SMAP1: variants seen among roughly 807,000 people sequenced by gnomAD.
SMAP1 encodes small ArfGAP 1.
Under a neutral mutation model 58.5 loss-of-function variants are expected in SMAP1, and 24 were observed. The ratio of observed to expected loss-of-function variants is 0.41; its 90% CI spans 0.30 to 0.58. The LOEUF is 0.58. SMAP1 is among the 20% of genes least tolerant of loss of function. SMAP1 has a pLI of 0.29. For synonymous variants in SMAP1, 216 were observed against 196.6 expected (o/e 1.10, Z -0.82); for missense variants, 563 against 566.3 (o/e 0.99, Z 0.06).
chr6:70,799,454 A>G lies in SMAP1; in HGVS notation c.576+717A>G, dbSNP rs183620066. 2.3e-3 allele frequency among the ~76,000 whole-genome samples: 345 copies of G among 152,252 alleles called. 11 individuals carry two copies. Among genetic ancestry groups the G allele is most frequent in the Admixed American group, 0.02 (311 of 15,290 alleles). Reference sequence around the variant, plus strand: ...GAACTACAGCTAGTGAGAATGTTGTACTTTGTAAAGGGATTGGTTAAATAT... The same window carrying G: ...GAACTACAGCTAGTGAGAATGTTGTGCTTTGTAAAGGGATTGGTTAAATAT... On this transcript the variant is annotated intron_variant, in intron 6 of 10. Coordinates refer to ENST00000370455, the MANE Select transcript of SMAP1 (RefSeq NM_001044305.3).
intron 4 of SMAP1, among the ~76,000 whole-genome samples, chr6:70,779,282 G>A (rs530396815): frequency 6.6e-6 from 1 of 152,330 alleles, no homozygotes; most frequent in South Asian, 2.1e-4. Flanking sequence ...GATGTCAAGT[G>A]ATGTTGGGAG....
At chr6:70,784,975 T>C (rs1270183164) in intron 4 of SMAP1, among the ~76,000 whole-genome samples, 1 of 152,024 alleles carries the variant, frequency 6.6e-6, no homozygotes, top group African/African-American at 2.4e-5. Context: ...TACAGACCTC[T>C]CCACCCCAGA....
intron 6 of SMAP1, among the ~76,000 whole-genome samples, chr6:70,829,074 T>C (rs1000594333): frequency 1.3e-5 from 2 of 152,116 alleles, no homozygotes; most frequent in African/African-American, 4.8e-5. Context: ...TTTTCCTACA[T>C]ACACAAAAGT....
intron 6 of SMAP1, among the ~76,000 whole-genome samples, chr6:70,826,920 G>A (rs1359259190): frequency 1.8e-5 from 2 of 111,392 alleles, no homozygotes; most frequent in Non-Finnish European, 3.4e-5. Context: ...GGGCAACAGA[G>A]TGAAACCGTG....
At chr6:70,813,641 C>T (rs539478552) in intron 6 of SMAP1, among the ~76,000 whole-genome samples, 62 of 152,134 alleles carry the variant, frequency 4.1e-4, no homozygotes, top group African/African-American at 1.4e-3. Context: ...TGCAGAAGGA[C>T]GTATATATTG....
At chr6:70,694,342 G>T (rs958627955) in intron 1 of SMAP1, 1 of 163,078 alleles carries the variant, frequency 6.1e-6, no homozygotes, top group East Asian at 1.9e-4. Flanking sequence ...GGCCATCCTG[G>T]CCCTGGTGCT....
At position 70,727,018 on chromosome 6, in the gene SMAP1, TG is replaced by T. The variant is rs547019249; in HGVS notation, c.119-5352del. ...ACAGTATAGCTGAAACTCTTCAAGATGGGGGGGGCACTGTTCATTTTACCAA... is the reference window on the plus strand; with the variant it reads ...ACAGTATAGCTGAAACTCTTCAAGATGGGGGGGCACTGTTCATTTTACCAA... On this transcript the variant is annotated intron_variant, in intron 1 of 10. Coordinates refer to ENST00000370455, the MANE Select transcript of SMAP1 (RefSeq NM_001044305.3). Among the ~76,000 whole-genome samples, 1,065 of 151,474 alleles carry T rather than the reference TG, an allele frequency of 7.0e-3. 16 individuals are homozygous for T. The highest frequency in any genetic ancestry group is 0.025 in the African/African-American group (1,016 of 41,294).
chr6:70,689,678 T>C (rs1686856589), intron 1 of SMAP1, among the ~76,000 whole-genome samples: 1 of 152,238 alleles, frequency 6.6e-6, no homozygotes, highest in Non-Finnish European at 1.5e-5. Flanking sequence ...CATCTTTTAA[T>C]ATAGAGTCTT....
chr6:70,835,251 CA>C (rs778677881), intron 6 of SMAP1, among the ~76,000 whole-genome samples: 4,664 of 57,938 alleles, frequency 0.08, 30 homozygotes, highest in African/African-American at 0.16. Flanking sequence ...GACTCCGTCT[CA>C]AAAAAAAAAA....
chr6:70,672,744 C>T (rs1441019193), intron 1 of SMAP1, among the ~76,000 whole-genome samples: 1 of 151,948 alleles, frequency 6.6e-6, no homozygotes, highest in African/African-American at 2.4e-5. Context: ...AGGGAGTGCA[C>T]CTGTGAAAGG....
chr6:70,715,029 C>G (rs1359707907), intron 1 of SMAP1, among the ~76,000 whole-genome samples: 1 of 151,270 alleles, frequency 6.6e-6, no homozygotes, highest in African/African-American at 2.4e-5. Context: ...TTTCAAAATC[C>G]TCTCTGTCTT....
In SMAP1 at chr6:70,852,547, T is replaced by A. The variant is rs781219727; in HGVS notation, c.672T>A (p.Pro224=). The A allele has an allele frequency of 2.1e-5, 33 of 1,592,058 alleles. No homozygotes were observed. Among genetic ancestry groups the A allele is most frequent in the Non-Finnish European group, 2.6e-5 (31 of 1,169,996 alleles). The change falls in exon 8 of 11, where the codon CCT becomes CCA. Residue 224 remains proline (P), a synonymous_variant. Transcript: ENST00000370455. ...PTVDLLGLDG[P]AVAPVTNGNT... Reference sequence around the variant, plus strand: ...AATCTATATTCTTTTCAGATGGCCCTGCTGTGGCACCAGTGACCAACGGGA... The same window carrying A: ...AATCTATATTCTTTTCAGATGGCCCAGCTGTGGCACCAGTGACCAACGGGA...
At chr6:70,849,793 C>T (rs1771118326) in intron 7 of SMAP1, among the ~76,000 whole-genome samples, 1 of 152,172 alleles carries the variant, frequency 6.6e-6, no homozygotes, top group South Asian at 2.1e-4. Flanking sequence ...ACATTAAGTA[C>T]ACTCACATTG....
intron 1 of SMAP1, among the ~76,000 whole-genome samples, chr6:70,723,347 A>G (rs1163929768): frequency 6.6e-6 from 1 of 152,174 alleles, no homozygotes. Flanking sequence ...CCCTCAATGT[A>G]TACCTTAAAT....
chr6:70,767,229 G>A (rs1300414699), intron 3 of SMAP1, among the ~76,000 whole-genome samples: 6 of 151,678 alleles, frequency 4.0e-5, no homozygotes, highest in Non-Finnish European at 8.8e-5. Flanking sequence ...TGGCGATGCG[G>A]GCTCTTTTTT....
intron 7 of SMAP1, among the ~76,000 whole-genome samples, chr6:70,843,785 T>C (rs1219488793): frequency 2.0e-5 from 3 of 152,202 alleles, no homozygotes; most frequent in Non-Finnish European, 4.4e-5. Flanking sequence ...ATAGGAACTC[T>C]TCTGTAGCTG....
At chr6:70,738,095 G>T (rs553516681) in intron 2 of SMAP1, among the ~76,000 whole-genome samples, 2 of 152,274 alleles carry the variant, frequency 1.3e-5, no homozygotes, top group African/African-American at 4.8e-5. Context: ...ACAACCACCT[G>T]GAATCGTGTG....
chr6:70,731,415 T>C (rs1462915254), intron 1 of SMAP1, among the ~76,000 whole-genome samples: 1 of 152,224 alleles, frequency 6.6e-6, no homozygotes, highest in Non-Finnish European at 1.5e-5. Flanking sequence ...AACTAACATT[T>C]TGTAGCACAC....
intron 4 of SMAP1, among the ~76,000 whole-genome samples, chr6:70,788,286 T>A (rs1400844111): frequency 1.6e-4 from 18 of 112,862 alleles, no homozygotes; most frequent in Admixed American, 3.6e-4. Flanking sequence ...AACATCACAC[T>A]CTGGGGACTG....
Sources: allele counts gnomAD v4.1 joint callset (sites outside exome capture counted in the v4.1 genomes callset), GRCh38; gene constraint gnomAD v4.1.1; transcripts MANE v1.5; gene names NCBI Gene and HGNC (gene_info 2026-07-23, HGNC 2026-07-21).